Variants in KIF13B observed in about 807,000 individuals in gnomAD.
The protein encoded by KIF13B is kinesin family member 13B.
KIF13B carries 127 observed loss-of-function variants against 222.0 expected under a neutral mutation model. That is an observed-to-expected ratio of 0.57 (90% CI 0.50 to 0.66). The LOEUF (loss-of-function observed/expected upper bound fraction) is 0.66, where lower values mean the gene tolerates loss of function less well. KIF13B is among the 30% of genes least tolerant of loss of function. The pLI, the probability that KIF13B is intolerant of heterozygous loss-of-function variation, is 0.00. For missense variants in KIF13B, 2,173 were observed against 2,379.0 expected (o/e 0.91, Z 1.80); for synonymous variants, 976 against 919.0 (o/e 1.06, Z -1.12).
At chr8:29,249,925 A>C in intron 1 of KIF13B, 1 of 707,350 alleles carries the variant, frequency 1.4e-6, no homozygotes, top group Non-Finnish European at 2.2e-6. Context: ...AGACTATCAC[A>C]GAAATGCTGC....
chr8:29,194,170 A>G (rs891855532), intron 3 of KIF13B, among the ~76,000 whole-genome samples: 1 of 151,892 alleles, frequency 6.6e-6, no homozygotes, highest in Admixed American at 6.6e-5. Context: ...AGTTTTTTAA[A>G]AACTATTTTC....
chr8:29,087,459 GGAAT>G (rs1329087902), intron 37 of KIF13B, among the ~76,000 whole-genome samples: 2 of 152,122 alleles, frequency 1.3e-5, no homozygotes. Context: ...AAAAATTCTA[GGAAT>G]GAATCTGAAG....
chr8:29,262,762 C>G lies in KIF13B; in HGVS notation c.55+218G>C, dbSNP rs1164700379. On this transcript the variant is annotated intron_variant, in intron 1 of 39. Transcript: ENST00000524189. ...AGCGGGGCCGGCACGAGGGGCCCGA[C>G]GGCGCCAGGGACGGGGCTGGCCAGG... Among the ~76,000 whole-genome samples the G allele has an allele frequency of 2.6e-4, 37 of 143,370 alleles. 1 individual carries two copies. The highest frequency in any genetic ancestry group is 2.5e-3 in the Admixed American group (37 of 14,648). The allele number at this position is 143,370 out of a possible 152,430, so 94.1% of individuals were successfully genotyped here.
intron 2 of KIF13B, among the ~76,000 whole-genome samples, chr8:29,226,201 G>A (rs1163075090): frequency 6.6e-6 from 1 of 151,860 alleles, no homozygotes; most frequent in Non-Finnish European, 1.5e-5. Flanking sequence ...TGGCAGCACA[G>A]TAAATTCTCT....
intron 12 of KIF13B, among the ~76,000 whole-genome samples, chr8:29,162,011 G>A (rs560490028): frequency 1.2e-4 from 19 of 152,144 alleles, no homozygotes; most frequent in Admixed American, 9.2e-4. Flanking sequence ...TTCATAACAC[G>A]GGCCTTTCCT....
At chr8:29,197,359 A>AAAAAAAAAT (rs750396323) in intron 2 of KIF13B, among the ~76,000 whole-genome samples, 1 of 148,192 alleles carries the variant, frequency 6.7e-6, no homozygotes, top group African/African-American at 2.5e-5. Context: ...AAAAAAAAAA[A>AAAAAAAAAT]AACTCAATAT....
intron 2 of KIF13B, among the ~76,000 whole-genome samples, chr8:29,228,762 C>T (rs888453158): frequency 1.3e-5 from 2 of 152,018 alleles, no homozygotes; most frequent in Admixed American, 6.5e-5. Context: ...TGCAGCAGAA[C>T]CCAGTCAAAG....
At position 29,070,322 on chromosome 8, in the gene KIF13B, G is replaced by A; in HGVS notation, c.*182C>T. The A allele has an allele frequency of 1.5e-6, 1 of 655,540 alleles. No homozygotes were observed. Among genetic ancestry groups the A allele is most frequent in the Non-Finnish European group, 2.6e-6 (1 of 390,992 alleles). 40.6% of individuals were successfully genotyped at this position (655,540 alleles called of 1,614,324 possible). A position where few individuals can be genotyped will look rare whatever the true frequency, so the allele number is the denominator to read the frequency against. On this transcript the variant is annotated 3_prime_UTR_variant, in exon 40 of 40. Transcript: ENST00000524189. This position sits in a 1 kb window ranked among gnomAD's most constrained non-coding sequence, Gnocchi z 4.1. ...ACAGTTGAGGCCCCCACTTTACCCG[G>A]GTACAGAAGAAACAAAGCTTCCAGA...
At position 29,092,634 on chromosome 8, in the gene KIF13B, A is replaced by G. The variant is rs577300761; in HGVS notation, c.4458+111T>C. 31 of 1,207,946 alleles carry G rather than the reference A, an allele frequency of 2.6e-5. No individual in the cohort carries two copies. In the African/African-American group the frequency reaches 4.6e-4, roughly 18 times the overall value. 74.8% of individuals were successfully genotyped at this position (1,207,946 alleles called of 1,614,324 possible). A position where few individuals can be genotyped will look rare whatever the true frequency, so the allele number is the denominator to read the frequency against. On this transcript the variant is annotated intron_variant, in intron 37 of 39. Transcript: ENST00000524189. ...CCGACAGCTGTTTCTGGGTTTAAAA[A>G]CCCAGTTTAGCCCCAACCCAGAGGC...
intron 14 of KIF13B, among the ~76,000 whole-genome samples, chr8:29,153,222 C>A (rs948449252): frequency 1.3e-5 from 2 of 152,070 alleles, no homozygotes; most frequent in Non-Finnish European, 2.9e-5. Context: ...ACCATTACAG[C>A]CAATAATGAA....
chr8:29,160,611 A>G (rs1811733715), intron 13 of KIF13B, 122 bp downstream of exon 13: 1 of 768,860 alleles, frequency 1.3e-6, no homozygotes, highest in African/African-American at 1.8e-5. Flanking sequence ...CCAGAAACCC[A>G]AGATGGTTCT....
At position 29,186,219 on chromosome 8, in the gene KIF13B, G is replaced by A. The variant is rs1403031628; in HGVS notation, c.497+73C>T. ...CGAGACCCTCTGAAAAAATTAAAAA[G>A]ATTTGCACTTAAGCCAATTTAAGTC... On this transcript the variant is annotated intron_variant, in intron 6 of 39. Transcript: ENST00000524189. 5 of 1,215,968 alleles carry A rather than the reference G, an allele frequency of 4.1e-6. No individual in the cohort carries two copies. In the African/African-American group the frequency reaches 7.6e-5, roughly 19 times the overall value. The allele number at this position is 1,215,968 out of a possible 1,614,324, so 75.3% of individuals were successfully genotyped here.
At chr8:29,076,808 T>TA (rs1425070019) in intron 37 of KIF13B, among the ~76,000 whole-genome samples, 1 of 152,020 alleles carries the variant, frequency 6.6e-6, no homozygotes, top group Non-Finnish European at 1.5e-5. Flanking sequence ...CGATCAGGCT[T>TA]AAAGACCTGG....
chr8:29,245,797 T>A (rs1815994874), intron 1 of KIF13B, among the ~76,000 whole-genome samples: 1 of 145,826 alleles, frequency 6.9e-6, no homozygotes, highest in Non-Finnish European at 1.5e-5. Flanking sequence ...TAAGAGAAAA[T>A]CCTAAGGAAA....
intron 6 of KIF13B, among the ~76,000 whole-genome samples, chr8:29,182,257 T>C (rs1270445150): frequency 1.3e-5 from 2 of 152,204 alleles, no homozygotes; most frequent in African/African-American, 4.8e-5. Context: ...CTACAAAGAA[T>C]GCAGAGTCAA....
intron 2 of KIF13B, among the ~76,000 whole-genome samples, chr8:29,212,847 C>T (rs1438753544): frequency 5.4e-5 from 8 of 149,212 alleles, no homozygotes; most frequent in South Asian, 2.2e-4. Flanking sequence ...AGATAACACA[C>T]GTACCTGAGG....
At chr8:29,242,480 C>A (rs1815824795) in intron 2 of KIF13B, among the ~76,000 whole-genome samples, 1 of 152,146 alleles carries the variant, frequency 6.6e-6, no homozygotes. Flanking sequence ...ATACTGCTGA[C>A]AAAGATTTGG....
intron 17 of KIF13B, 63 bp from the exon 18 acceptor site, chr8:29,146,603 A>G: frequency 2.1e-6 from 3 of 1,444,132 alleles, no homozygotes; most frequent in Non-Finnish European, 2.9e-6. Context: ...GCTAGTCAGA[A>G]AATCATACAG....
chr8:29,123,273 C>G, intron 28 of KIF13B, 93 bp downstream of exon 28: 1 of 1,411,412 alleles, frequency 7.1e-7, no homozygotes, highest in Non-Finnish European at 9.6e-7. Context: ...GCTATTGACT[C>G]TTCCATTAAC....
Sources: gnomAD v4.1 joint callset for allele counts (sites outside exome capture counted in the v4.1 genomes callset) on GRCh38, gnomAD v4.1.1 for gene constraint, Gnocchi (gnomAD v3.1) non-coding constraint, MANE v1.5 for transcripts, NCBI Gene and HGNC (gene_info 2026-07-23, HGNC 2026-07-21) for gene names.